DCHS2: variants seen among roughly 807,000 people sequenced by gnomAD.
DCHS2 encodes the protein dachsous cadherin-related 2.
In DCHS2, 142 loss-of-function variants were observed where a neutral mutation model predicts 182.4. The observed-to-expected ratio is 0.78, with a 90% CI of 0.68 to 0.89. DCHS2 has a LOEUF of 0.89. Among genes scored for constraint, DCHS2 ranks in the 40% least tolerant of loss-of-function variants. The pLI is 0.00. For synonymous variants in DCHS2, 1,740 were observed against 1,663.3 expected (o/e 1.05, Z -1.12); for missense variants, 4,319 against 4,198.6 (o/e 1.03, Z -0.79).
At chr4:154,314,539 T>C (rs1735782399) in intron 10 of DCHS2, among the ~76,000 whole-genome samples, 1 of 152,156 alleles carries the variant, frequency 6.6e-6, no homozygotes. Flanking sequence ...TACAAATTCA[T>C]GTAAAATGCA....
chr4:154,486,831 C>A (rs568716613), intron 1 of DCHS2, among the ~76,000 whole-genome samples: 1 of 152,160 alleles, frequency 6.6e-6, no homozygotes, highest in Admixed American at 6.6e-5. Flanking sequence ...TTTTGCAAAT[C>A]TTGAGGGGCT....
chr4:154,326,826 C>T (rs1561044148), intron 7 of DCHS2, among the ~76,000 whole-genome samples: 1 of 152,056 alleles, frequency 6.6e-6, no homozygotes, highest in Non-Finnish European at 1.5e-5. Context: ...GCCAACTTCC[C>T]ACTTGTTATT....
chr4:154,345,011 A>C (rs991528460), intron 3 of DCHS2, among the ~76,000 whole-genome samples: 1 of 152,168 alleles, frequency 6.6e-6, no homozygotes, highest in Non-Finnish European at 1.5e-5. Flanking sequence ...CTAAACACAG[A>C]AGAAAGCATG....
At chr4:154,340,254 T>C (rs1051776769) in intron 3 of DCHS2, among the ~76,000 whole-genome samples, 1 of 152,178 alleles carries the variant, frequency 6.6e-6, no homozygotes, top group Non-Finnish European at 1.5e-5. Context: ...TCAGAACCAT[T>C]AAATGAAGAT....
At chr4:154,459,736 C>T (rs1734930715) in intron 1 of DCHS2, among the ~76,000 whole-genome samples, 1 of 3,370 alleles carries the variant, frequency 3.0e-4, no homozygotes, top group African/African-American at 4.7e-4. Flanking sequence ...TCTACACATT[C>T]TCTCTCTCTC....
chr4:154,436,904 A>G (rs1324963108), intron 1 of DCHS2, among the ~76,000 whole-genome samples: 4 of 152,250 alleles, frequency 2.6e-5, no homozygotes, highest in African/African-American at 9.6e-5. Context: ...CATCGATTAC[A>G]TGTTGAAATA....
At chr4:154,283,155 TTTATG>T (rs1333669426) in intron 13 of DCHS2, among the ~76,000 whole-genome samples, 2 of 152,094 alleles carry the variant, frequency 1.3e-5, no homozygotes, top group African/African-American at 4.8e-5. Flanking sequence ...GATGGTAAAT[TTTATG>T]TTATGTGTTT....
intron 1 of DCHS2, among the ~76,000 whole-genome samples, chr4:154,401,860 G>T (rs189455465): frequency 1.3e-3 from 200 of 152,278 alleles, no homozygotes; most frequent in Non-Finnish European, 2.4e-3. Flanking sequence ...CTGGCATGGT[G>T]GTGCGTGCCT....
rs750114255 is a variant in DCHS2, at chr4:154,333,126, T to C, written c.3082A>G (p.Ile1028Val). 3.1e-6 allele frequency: 5 copies of C among 1,614,112 alleles called. No homozygotes were observed. In the Admixed American group the frequency reaches 6.7e-5, roughly 22 times the overall value. Residue 1028 changes from isoleucine (I) to valine (V), a missense_variant, in exon 5 of 20, where the codon ATC becomes GTC. By Grantham distance (29) the Ile-to-Val change is conservative. Transcript: ENST00000357232. ...AACAGCACCCCCAGGGCTCTGTCGA[T>C]GGCAAAGACGCCTGGCTGCGGGCTG... ...IASPQPGVFA[I>V]DRALGVLFLN...
chr4:154,477,155 C>A (rs1006214752), intron 1 of DCHS2, among the ~76,000 whole-genome samples: 1 of 152,118 alleles, frequency 6.6e-6, no homozygotes, highest in Non-Finnish European at 1.5e-5. Context: ...ACTCAAAGTG[C>A]CAGCACGGTT....
intron 1 of DCHS2, among the ~76,000 whole-genome samples, chr4:154,408,285 C>G (rs1732480871): frequency 6.6e-6 from 1 of 152,124 alleles, no homozygotes; most frequent in Non-Finnish European, 1.5e-5. Context: ...AATGATTACT[C>G]TGATTTAAAT....
chr4:154,361,937 G>A (rs1213110556), intron 3 of DCHS2, among the ~76,000 whole-genome samples: 1 of 152,064 alleles, frequency 6.6e-6, no homozygotes, highest in Non-Finnish European at 1.5e-5. Flanking sequence ...GATAAAGAAA[G>A]CATCAAAATG....
chr4:154,464,269 T>C (rs1735146064), intron 1 of DCHS2, among the ~76,000 whole-genome samples: 1 of 152,216 alleles, frequency 6.6e-6, no homozygotes, highest in Middle Eastern at 3.4e-3. Flanking sequence ...GGAAAAAAAC[T>C]TTTCCCTCAT....
chr4:154,412,381 T>C (rs1312257341), intron 1 of DCHS2, among the ~76,000 whole-genome samples: 1 of 152,180 alleles, frequency 6.6e-6, no homozygotes, highest in African/African-American at 2.4e-5. Context: ...AATCCTCTTT[T>C]CAGTCTAGCT....
intron 1 of DCHS2, among the ~76,000 whole-genome samples, chr4:154,398,781 T>G (rs757913273): frequency 1.4e-4 from 22 of 152,166 alleles, no homozygotes; most frequent in Non-Finnish European, 2.8e-4. Context: ...GAGACTTAAG[T>G]CTCCATTCCT....
At position 154,285,140 on chromosome 4, in the gene DCHS2, C is replaced by T. The variant is rs115046094; in HGVS notation, c.6463+12711G>A. On this transcript the variant is annotated intron_variant, in intron 13 of 19. Coordinates refer to ENST00000357232, the MANE Select transcript of DCHS2 (RefSeq NM_001358235.2). ...GACACACCCTGGGCCAGAAAGAAAC[C>T]TGCTATCTTTAAGGCAAATACCTAG... 1.5e-3 allele frequency among the ~76,000 whole-genome samples: 224 copies of T among 152,212 alleles called. 1 individual carries two copies. Among genetic ancestry groups the T allele is most frequent in the Non-Finnish European group, 2.6e-3 (177 of 68,002 alleles).
intron 3 of DCHS2, among the ~76,000 whole-genome samples, chr4:154,359,909 T>C (rs897992786): frequency 6.6e-6 from 1 of 152,056 alleles, no homozygotes; most frequent in Admixed American, 6.6e-5. Flanking sequence ...CCTGTCACAA[T>C]GAGAGGTCAT....
chr4:154,407,526 C>CT (rs1447353057), intron 1 of DCHS2, among the ~76,000 whole-genome samples: 1 of 152,158 alleles, frequency 6.6e-6, no homozygotes, highest in Non-Finnish European at 1.5e-5. Context: ...GGAAGTCCTA[C>CT]TTTTTTCTAA....
At chr4:154,426,253 A>G (rs1388233508) in intron 1 of DCHS2, among the ~76,000 whole-genome samples, 2 of 152,194 alleles carry the variant, frequency 1.3e-5, no homozygotes, top group African/African-American at 4.8e-5. Context: ...CTAAAAATAC[A>G]CTGATATATC....
Sources: allele counts gnomAD v4.1 joint callset (sites outside exome capture counted in the v4.1 genomes callset), GRCh38; gene constraint gnomAD v4.1.1; transcripts MANE v1.5; gene names NCBI Gene and HGNC (gene_info 2026-07-23, HGNC 2026-07-21).